NABP2: variants seen among roughly 807,000 people sequenced by gnomAD.
The protein encoded by NABP2 is SOSS complex subunit B1.
Under a neutral mutation model 22.7 loss-of-function variants are expected in NABP2, and 7 were observed. The ratio of observed to expected loss-of-function variants is 0.31; its 90% CI spans 0.18 to 0.58. The LOEUF (loss-of-function observed/expected upper bound fraction) is 0.58. Among genes scored for constraint, NABP2 ranks in the 20% least tolerant of loss-of-function variants. The pLI is 0.89. For synonymous variants in NABP2, 107 were observed against 99.2 expected, an observed-to-expected ratio of 1.08 and a Z score of -0.47; for missense variants, 188 against 265.9, an observed-to-expected ratio of 0.71 and a Z score of 2.04.
intron 6 of NABP2, among the ~76,000 whole-genome samples, chr12:56,226,634 C>T (rs370854629): frequency 7.9e-5 from 10 of 126,190 alleles, no homozygotes; most frequent in East Asian, 5.5e-4. Context: ...GGCGTGATCT[C>T]GGCTCACTGC....
chr12:56,229,252 G>C lies in NABP2; in HGVS notation c.*39G>C. On this transcript the variant is annotated 3_prime_UTR_variant, in exon 7 of 7. Coordinates refer to ENST00000267023, the MANE Select transcript of NABP2 (RefSeq NM_024068.4). ...CTTCCTGCCACCAACCACATCCCAAGTGTCCCCTGGAGAGCAAGATAGCCT... is the reference window on the plus strand; with the variant it reads ...CTTCCTGCCACCAACCACATCCCAACTGTCCCCTGGAGAGCAAGATAGCCT... The C allele has an allele frequency of 6.2e-7, 1 of 1,608,166 alleles. No individual in the cohort carries two copies. Among genetic ancestry groups the C allele is most frequent in the Non-Finnish European group, 8.5e-7 (1 of 1,177,118 alleles).
chr12:56,222,564 G>A (rs1464885274), upstream of NABP2, among the ~76,000 whole-genome samples: 1 of 152,156 alleles, frequency 6.6e-6, no homozygotes, highest in Non-Finnish European at 1.5e-5. Flanking sequence ...CTGAGTTGGG[G>A]TTTGATTTCC....
upstream of NABP2, chr12:56,224,218 C>T (rs1488120883): frequency 1.7e-6 from 1 of 605,132 alleles, no homozygotes; most frequent in Non-Finnish European, 2.1e-6. Context: ...AATTCGCCCC[C>T]TTCGCGGCGC....
rs1373231821 is a variant in NABP2, at chr12:56,224,943, T to C, written c.79+8T>C. The C allele has an allele frequency of 1.9e-6, 3 of 1,590,962 alleles. No homozygotes were observed. Among genetic ancestry groups the C allele is most frequent in the Non-Finnish European group, 2.6e-6 (3 of 1,162,094 alleles). Reference sequence around the variant, plus strand: ...TCATTGTGCTGGAGACAGGTGTCTATACTGGGGTGGCGGGTTCGCGGGATG... The same window carrying C: ...TCATTGTGCTGGAGACAGGTGTCTACACTGGGGTGGCGGGTTCGCGGGATG... On this transcript the variant is annotated splice_region_variant and intron_variant, in intron 2 of 6. Coordinates refer to ENST00000267023, the MANE Select transcript of NABP2 (RefSeq NM_024068.4).
upstream of NABP2, among the ~76,000 whole-genome samples, chr12:56,223,042 T>C (rs1869571186): frequency 6.6e-6 from 1 of 152,252 alleles, no homozygotes; most frequent in East Asian, 1.9e-4. Context: ...GAGCCCAGGC[T>C]GGCCAACGTG....
chr12:56,229,215 A>G lies in NABP2; in HGVS notation c.*2A>G, dbSNP rs1165867996. ...ACCCGGAGGAGCAGCAAGAGATAGCATGACATTCTTTCTTCCTGCCACCAA... is the reference window on the plus strand; with the variant it reads ...ACCCGGAGGAGCAGCAAGAGATAGCGTGACATTCTTTCTTCCTGCCACCAA... On this transcript the variant is annotated 3_prime_UTR_variant, in exon 7 of 7. Transcript: ENST00000267023. 5.0e-6 allele frequency: 8 copies of G among 1,612,108 alleles called. No individual in the cohort carries two copies. In the Admixed American group the frequency reaches 6.7e-5, roughly 13 times the overall value.
At chr12:56,225,015 G>GA in intron 2 of NABP2, 80 bp downstream of exon 2, 1 of 1,114,382 alleles carries the variant, frequency 9.0e-7, no homozygotes, top group South Asian at 1.3e-5. Flanking sequence ...TTCTTAACTT[G>GA]CTATGGGGAT....
Position 56,226,732 on chromosome 12 carries a change from A to ATTTTTTTTTTTTTTT in NABP2, c.436+326_436+327insTTTTTTTTTTTTTTT, listed in dbSNP as rs10676452. 2.0e-4 allele frequency among the ~76,000 whole-genome samples: 13 copies of ATTTTTTTTTTTTTTT among 64,618 alleles called. 1 individual carries two copies. The highest frequency in any genetic ancestry group is 3.5e-4 in the Non-Finnish European group (11 of 31,422). 42.4% of individuals were successfully genotyped at this position (64,618 alleles called of 152,430 possible). On this transcript the variant is annotated intron_variant, in intron 6 of 6. Transcript: ENST00000267023. ...AGGCACCTGCCACCATGCCCGGCTAATTTTTTTTTTTTTGAGATGGAGTCT... is the reference window on the plus strand; with the variant it reads ...AGGCACCTGCCACCATGCCCGGCTAATTTTTTTTTTTTTTTTTTTTTTTTTTTTGAGATGGAGTCT...
Position 56,224,949 on chromosome 12 carries a change from G to T in NABP2, c.79+14G>T, listed in dbSNP as rs1346930560. On this transcript the variant is annotated intron_variant, in intron 2 of 6. Coordinates refer to ENST00000267023, the MANE Select transcript of NABP2 (RefSeq NM_024068.4). ...TGCTGGAGACAGGTGTCTATACTGG[G>T]GTGGCGGGTTCGCGGGATGGGGGTC... 3 of 1,587,194 alleles carry T rather than the reference G, an allele frequency of 1.9e-6. No individual in the cohort carries two copies.
Position 56,229,087 on chromosome 12 carries a change from T to TTGCCGCCCCCCCC in NABP2, c.510_511insTGCCGCCCCCCCC (p.Pro171CysfsTer34). On this transcript the variant is annotated frameshift_variant, in exon 7 of 7. Coordinates refer to ENST00000267023, the MANE Select transcript of NABP2 (RefSeq NM_024068.4). LOFTEE classifies it high-confidence loss of function. ...GTGGTGGCCCACATCCCCCTCATAC[T>TTGCCGCCCCCCCC]CCCTCCCACCCACCCAGCACCCGAA... The TTGCCGCCCCCCCC allele has an allele frequency of 6.6e-7, 1 of 1,512,344 alleles. No homozygotes were observed. Among genetic ancestry groups the TTGCCGCCCCCCCC allele is most frequent in the Non-Finnish European group, 9.1e-7 (1 of 1,102,012 alleles). The allele number at this position is 1,512,344 out of a possible 1,614,324, so 93.7% of individuals were successfully genotyped here.
At position 56,225,489 on chromosome 12, in the gene NABP2, G is replaced by T. The variant is rs1290174454; in HGVS notation, c.196G>T (p.Asp66Tyr). The change falls in exon 3 of 7, where the codon GAC (aspartate) becomes TAC (tyrosine). Residue 66 changes from aspartate to tyrosine, a missense_variant. Coordinates refer to ENST00000267023, the MANE Select transcript of NABP2 (RefSeq NM_024068.4). ...TGTTGGCAATCTGATCCAGCCTGGG[G>T]ACATTATCCGGCTCACCAAAGGGTA... ...DDVGNLIQPG[D>Y]IIRLTKGYAS... The T allele has an allele frequency of 6.2e-7, 1 of 1,614,108 alleles. No homozygotes were observed. The highest frequency in any genetic ancestry group is 8.5e-7 in the Non-Finnish European group (1 of 1,180,052).
chr12:56,222,763 G>A (rs1033116789), upstream of NABP2, among the ~76,000 whole-genome samples: 2 of 152,142 alleles, frequency 1.3e-5, no homozygotes, highest in Non-Finnish European at 2.9e-5. Context: ...GTGGACATTG[G>A]CTAAGCAAAT....
chr12:56,227,184 T>C (rs745603702), intron 6 of NABP2, among the ~76,000 whole-genome samples: 1 of 151,640 alleles, frequency 6.6e-6, no homozygotes, highest in Non-Finnish European at 1.5e-5. Context: ...AGACCAGCCA[T>C]GGCCAACGTG....
upstream of NABP2, chr12:56,224,320 G>A: frequency 1.0e-6 from 1 of 987,434 alleles, no homozygotes; most frequent in Non-Finnish European, 1.2e-6. Context: ...AGGCCAGCCG[G>A]GGGAAACTTC....
At chr12:56,226,732 A>AT (rs10676452) in intron 6 of NABP2, among the ~76,000 whole-genome samples, 9 of 64,624 alleles carry the variant, frequency 1.4e-4, no homozygotes, top group African/African-American at 3.3e-4. Context: ...TGCCCGGCTA[A>AT]TTTTTTTTTT....
intron 6 of NABP2, among the ~76,000 whole-genome samples, chr12:56,227,736 C>T (rs967203605): frequency 6.6e-6 from 1 of 152,090 alleles, no homozygotes; most frequent in African/African-American, 2.4e-5. Context: ...ATTGCTTGAG[C>T]AAGGAGTTTG....
chr12:56,224,853 C>T lies in NABP2; in HGVS notation c.-4C>T. 1 of 1,613,506 alleles carries T rather than the reference C, an allele frequency of 6.2e-7. No homozygotes were observed. The highest frequency in any genetic ancestry group is 8.5e-7 in the Non-Finnish European group (1 of 1,179,910). The stretch of plus-strand genomic sequence containing the variant: ...ATCCAGTGGGGTGCCGAGGCTCAGG[C>T]AGCATGACGACGGAGACCTTTGTGA... On this transcript the variant is annotated 5_prime_UTR_variant, in exon 2 of 7. Coordinates refer to ENST00000267023, the MANE Select transcript of NABP2 (RefSeq NM_024068.4).
chr12:56,223,175 G>A (rs1869580554), upstream of NABP2, among the ~76,000 whole-genome samples: 1 of 152,126 alleles, frequency 6.6e-6, no homozygotes, highest in East Asian at 1.9e-4. Context: ...GGCAGAGGTT[G>A]CATTGCAGTG....
At chr12:56,225,220 A>G (rs770952396) in intron 2 of NABP2, among the ~76,000 whole-genome samples, 153 bp from the exon 3 acceptor site, 19 of 151,318 alleles carry the variant, frequency 1.3e-4, no homozygotes, top group Non-Finnish European at 2.7e-4. Flanking sequence ...CACCCCTTCC[A>G]CAATCCCAAC....
Sources: gnomAD v4.1 joint callset for allele counts (sites outside exome capture counted in the v4.1 genomes callset) on GRCh38, gnomAD v4.1.1 for gene constraint, MANE v1.5 for transcripts, NCBI Gene and HGNC (gene_info 2026-07-23, HGNC 2026-07-21) for gene names.